The following ADCY2 variants were observed in gnomAD, a reference collection of about 807,000 sequenced individuals.
The protein encoded by ADCY2 is adenylate cyclase 2, also known as adenylate cyclase type 2.
In ADCY2, 31 loss-of-function variants were observed where a neutral mutation model predicts 125.2. The observed-to-expected ratio is 0.25, with a 90% CI of 0.19 to 0.33. ADCY2 has a LOEUF of 0.33. ADCY2 is among the 10% of genes least tolerant of loss of function. ADCY2 has a pLI of 1.00. For missense variants in ADCY2, 904 were observed against 1,418.2 expected (o/e 0.64, Z 5.82); for synonymous variants, 512 against 548.4 (o/e 0.93, Z 0.93).
chr5:7,684,793 A>G (rs1740458456), intron 4 of ADCY2, among the ~76,000 whole-genome samples: 1 of 109,270 alleles, frequency 9.2e-6, no homozygotes, highest in East Asian at 3.1e-4. Context: ...TTTTTTTGTC[A>G]AAACATGTTT....
chr5:7,767,413 A>G (rs180998240), intron 17 of ADCY2, among the ~76,000 whole-genome samples: 164 of 144,932 alleles, frequency 1.1e-3, no homozygotes, highest in Middle Eastern at 6.9e-3. Context: ...TCGTTTGTGG[A>G]AAAAAAAAAA....
At chr5:7,807,868 G>A (rs763614575) in intron 22 of ADCY2, among the ~76,000 whole-genome samples, 1 of 152,096 alleles carries the variant, frequency 6.6e-6, no homozygotes. Flanking sequence ...ATGTGCTTTT[G>A]TGCAGACCAA....
chr5:7,430,838 T>C (rs1740571897), intron 2 of ADCY2, among the ~76,000 whole-genome samples: 2 of 152,092 alleles, frequency 1.3e-5, no homozygotes, highest in Admixed American at 1.3e-4. Flanking sequence ...TATGTGCAAT[T>C]TCACTACACA....
intron 16 of ADCY2, among the ~76,000 whole-genome samples, chr5:7,762,827 C>T (rs555199478): frequency 2.0e-5 from 3 of 152,122 alleles, no homozygotes; most frequent in African/African-American, 7.2e-5. Context: ...ATCCAGGCAT[C>T]GGACTCACAT....
At position 7,757,385 on chromosome 5, in the gene ADCY2, TCAA is replaced by T. The variant is rs1743027866; in HGVS notation, c.1957-63_1957-61del. On this transcript the variant is annotated intron_variant, in intron 15 of 24. Coordinates refer to ENST00000338316, the MANE Select transcript of ADCY2 (RefSeq NM_020546.3). Reference sequence around the variant, plus strand: ...CTTCTTGTGGTTGTAAACATTGTCATCAAGAAACTGGAGAGAAGTCATCAGCTA... The same window carrying T: ...CTTCTTGTGGTTGTAAACATTGTCATGAAACTGGAGAGAAGTCATCAGCTA... The T allele has an allele frequency of 1.9e-6, 3 of 1,571,860 alleles. No homozygotes were observed. In the Admixed American group the frequency reaches 5.4e-5, roughly 28 times the overall value.
At chr5:7,468,337 GA>G (rs750984381) in intron 2 of ADCY2, among the ~76,000 whole-genome samples, 4 of 152,152 alleles carry the variant, frequency 2.6e-5, no homozygotes, top group South Asian at 4.1e-4. Context: ...GTTCTTTGAG[GA>G]AAGAACAGTG....
In ADCY2 at chr5:7,772,923, C is replaced by CTGTT. The variant is rs1259832427; in HGVS notation, c.2215-7_2215-4dup. 7 of 1,613,350 alleles carry CTGTT rather than the reference C, an allele frequency of 4.3e-6. No homozygotes were observed. Among genetic ancestry groups the CTGTT allele is most frequent in the Non-Finnish European group, 5.9e-6 (7 of 1,179,574 alleles). On this transcript the variant is annotated splice_polypyrimidine_tract_variant and intron_variant, in intron 17 of 24. Coordinates refer to ENST00000338316, the MANE Select transcript of ADCY2 (RefSeq NM_020546.3). Reference sequence around the variant, plus strand: ...CTAAGTATCTGTCTGGTGTCCTTCCCTGTTTCAGTACTTTATCTACAGCTG... The same window carrying CTGTT: ...CTAAGTATCTGTCTGGTGTCCTTCCCTGTTTGTTTCAGTACTTTATCTACAGCTG...
chr5:7,603,169 G>A (rs1737271576), intron 3 of ADCY2, among the ~76,000 whole-genome samples: 1 of 152,202 alleles, frequency 6.6e-6, no homozygotes, highest in Non-Finnish European at 1.5e-5. Flanking sequence ...GTTCCTTCCT[G>A]AGGCTGACTT....
chr5:7,416,382 C>T (rs539323888), intron 2 of ADCY2, among the ~76,000 whole-genome samples: 4 of 152,310 alleles, frequency 2.6e-5, no homozygotes, highest in African/African-American at 9.6e-5. Flanking sequence ...GCGCGGCCCC[C>T]ATGCTCTGTC....
intron 4 of ADCY2, among the ~76,000 whole-genome samples, chr5:7,628,473 A>G (rs1359370302): frequency 6.6e-6 from 1 of 152,208 alleles, no homozygotes; most frequent in Non-Finnish European, 1.5e-5. Context: ...GGGTAAGAGG[A>G]GCCACATTGA....
At chr5:7,535,082 C>T (rs1314029029) in intron 3 of ADCY2, among the ~76,000 whole-genome samples, 2 of 152,246 alleles carry the variant, frequency 1.3e-5, no homozygotes, top group Middle Eastern at 3.4e-3. Flanking sequence ...CTTTTGTCAC[C>T]CAGGCTAGAG....
Position 7,661,780 on chromosome 5 carries a change from A to G in ADCY2, c.721-28911A>G, listed in dbSNP as rs1739541634. 2.6e-5 allele frequency among the ~76,000 whole-genome samples: 4 copies of G among 152,234 alleles called. No homozygotes were observed. In the South Asian group the frequency reaches 8.3e-4, roughly 32 times the overall value. ...TTTTTATTTTTAAGCAAATGGATTT[A>G]AGACTCATTGAATCTTTATTTGGAA... On this transcript the variant is annotated intron_variant, in intron 4 of 24. Coordinates refer to ENST00000338316, the MANE Select transcript of ADCY2 (RefSeq NM_020546.3).
intron 18 of ADCY2, among the ~76,000 whole-genome samples, chr5:7,779,626 C>T (rs1377424744): frequency 2.0e-5 from 3 of 152,130 alleles, no homozygotes; most frequent in Non-Finnish European, 2.9e-5. Context: ...CCACTGCCTC[C>T]GGAGCTCTTT....
At chr5:7,538,268 G>C (rs917612169) in intron 3 of ADCY2, among the ~76,000 whole-genome samples, 1 of 152,164 alleles carries the variant, frequency 6.6e-6, no homozygotes, top group African/African-American at 2.4e-5. Context: ...AGGAAGACTT[G>C]AGCTCCAATC....
At chr5:7,743,822 A>G (rs2126433993) in intron 15 of ADCY2, 70 bp downstream of exon 15, 26 of 1,467,966 alleles carry the variant, frequency 1.8e-5, no homozygotes, top group Non-Finnish European at 2.4e-5. Flanking sequence ...CTTGCCTAAA[A>G]CTTTCCAAAA....
chr5:7,664,952 G>A (rs1739662669), intron 4 of ADCY2, among the ~76,000 whole-genome samples: 2 of 152,136 alleles, frequency 1.3e-5, no homozygotes, highest in East Asian at 1.9e-4. Flanking sequence ...ACCACAAAAT[G>A]TTTAAATTTA....
At chr5:7,724,520 A>G in intron 12 of ADCY2, 25 bp from the exon 13 acceptor site, 1 of 1,576,270 alleles carries the variant, frequency 6.3e-7, no homozygotes, top group Non-Finnish European at 8.7e-7. Flanking sequence ...CAGTTTTATG[A>G]TGTGTTGGCC....
At chr5:7,728,381 T>C (rs1266505632) in intron 14 of ADCY2, among the ~76,000 whole-genome samples, 1 of 152,224 alleles carries the variant, frequency 6.6e-6, no homozygotes, top group Non-Finnish European at 1.5e-5. Flanking sequence ...TGTTCATGTA[T>C]GTACAGTTCC....
chr5:7,496,306 A>C (rs989220146), intron 2 of ADCY2, among the ~76,000 whole-genome samples: 4 of 152,210 alleles, frequency 2.6e-5, no homozygotes, highest in African/African-American at 9.6e-5. Flanking sequence ...CTAACTCCAA[A>C]TTCTTAGGAA....
Sources: allele counts gnomAD v4.1 joint callset (sites outside exome capture counted in the v4.1 genomes callset), GRCh38; gene constraint gnomAD v4.1.1; transcripts MANE v1.5; gene names NCBI Gene and HGNC (gene_info 2026-07-23, HGNC 2026-07-21).